The following POLR1E variants were observed in gnomAD, a reference collection of about 807,000 sequenced individuals.
POLR1E encodes the protein RNA polymerase I subunit E.
In POLR1E, 37 loss-of-function variants were observed where a neutral mutation model predicts 50.9. The ratio of observed to expected loss-of-function variants is 0.73; its 90% CI spans 0.56 to 0.96. The LOEUF is 0.96. Among genes scored for constraint, POLR1E ranks in the 40% least tolerant of loss-of-function variants. POLR1E has a pLI of 0.00. For missense variants in POLR1E, 426 were observed against 518.1 expected (o/e 0.82, Z 1.73); for synonymous variants, 166 against 191.6 (o/e 0.87, Z 1.10).
Position 37,501,754 on chromosome 9 carries a change from C to T in POLR1E, c.1010C>T (p.Thr337Ile). 6.2e-7 allele frequency: 1 copy of T among 1,613,984 alleles called. No homozygotes were observed. Among genetic ancestry groups the T allele is most frequent in the East Asian group, 2.2e-5 (1 of 44,888 alleles). Residue 337 changes from threonine to isoleucine, a missense_variant, in exon 11 of 12, where the codon ACT (threonine) becomes ATT (isoleucine). Coordinates refer to ENST00000377798, the MANE Select transcript of POLR1E (RefSeq NM_022490.4). ...TCGGATTCTATGAAGGCGAAGATTACTGCATATGTGATCATACTTGCCTTG... is the reference window on the plus strand; with the variant it reads ...TCGGATTCTATGAAGGCGAAGATTATTGCATATGTGATCATACTTGCCTTG... Reference protein sequence around the residue: ...LISDSMKAKITAYVIILALHI... With the variant: ...LISDSMKAKIIAYVIILALHI...
Position 37,503,162 on chromosome 9 carries a change from A to C in POLR1E, c.1220A>C (p.Gln407Pro), listed in dbSNP as rs1820923685. 6.2e-7 allele frequency: 1 copy of C among 1,612,326 alleles called. No individual in the cohort carries two copies. The highest frequency in any genetic ancestry group is 1.3e-5 in the African/African-American group (1 of 74,822). The change falls in exon 12 of 12, where the codon CAG (glutamine) becomes CCG (proline). Residue 407 changes from glutamine to proline, a missense_variant. By Grantham distance (76) the Gln-to-Pro change is moderately conservative (BLOSUM62 -1). Coordinates refer to ENST00000377798, the MANE Select transcript of POLR1E (RefSeq NM_022490.4). ...GTLSLPLPPAQTSDRLAKRRK... is the reference protein window; with the variant it reads ...GTLSLPLPPAPTSDRLAKRRK... ...CTGTCCCTCCCGCTGCCTCCAGCCC[A>C]GACCTCAGACCGCCTGGCAAAGCGG... is the stretch of plus-strand genomic sequence containing the variant.
chr9:37,492,567 T>A (rs1047994498), intron 4 of POLR1E, 90 bp from the exon 5 acceptor site: 2 of 1,227,084 alleles, frequency 1.6e-6, no homozygotes, highest in Admixed American at 4.0e-5. Context: ...TCTATTATTC[T>A]TAGATAGACA....
intron 1 of POLR1E, chr9:37,486,420 G>T (rs1198994467): frequency 2.0e-6 from 3 of 1,532,532 alleles, no homozygotes; most frequent in Non-Finnish European, 2.6e-6. Flanking sequence ...CTGGGCAGGG[G>T]TTCCTTCTGT....
intron 9 of POLR1E, 62 bp from the exon 10 acceptor site, chr9:37,500,778 A>G: frequency 1.5e-6 from 2 of 1,373,342 alleles, no homozygotes; most frequent in East Asian, 2.3e-5. Context: ...CTCTTAGCTC[A>G]TGGTTGAGGT....
rs565900075 is a variant in POLR1E at position 37,486,638 on chromosome 9, G to C, written c.77-65G>C. ...CTCCCAGTGACAGTCTAGTCCCACC[G>C]TACATTGTGTGGTACATTGTGTGGC... On this transcript the variant is annotated intron_variant, in intron 1 of 11. Transcript: ENST00000377798. The C allele has an allele frequency of 2.7e-5, 43 of 1,605,632 alleles. No individual in the cohort carries two copies. The African/African-American group carries it at 5.5e-4, about 20-fold the overall frequency.
chr9:37,489,198 A>C (rs1588798962), intron 3 of POLR1E, 117 bp from the exon 4 acceptor site: 2 of 678,598 alleles, frequency 2.9e-6, no homozygotes, highest in Non-Finnish European at 4.7e-6. Flanking sequence ...AGATCATGCC[A>C]CTCCACTCCA....
At chr9:37,496,964 G>A (rs778218355) in intron 8 of POLR1E, among the ~76,000 whole-genome samples, 41 of 152,084 alleles carry the variant, frequency 2.7e-4, no homozygotes, top group Non-Finnish European at 3.4e-4. Flanking sequence ...AGCTTTACTG[G>A]CATCATCTCT....
chr9:37,486,663 C>G (rs370500509), intron 1 of POLR1E, 40 bp from the exon 2 acceptor site: 46 of 1,614,092 alleles, frequency 2.8e-5, no homozygotes, highest in Non-Finnish European at 5.1e-6. Context: ...CATTGTGTGG[C>G]CTTCTGCTCT....
chr9:37,487,326 G>A (rs764923812), intron 2 of POLR1E, among the ~76,000 whole-genome samples: 32 of 152,200 alleles, frequency 2.1e-4, no homozygotes, highest in Non-Finnish European at 4.6e-4. Context: ...GGGAGGAGAG[G>A]TCTCTGCCAG....
At chr9:37,501,915 A>C in intron 11 of POLR1E, 71 bp downstream of exon 11, 1 of 1,495,826 alleles carries the variant, frequency 6.7e-7, no homozygotes, top group South Asian at 1.3e-5. Flanking sequence ...ACTGGAAAGC[A>C]TGAGGCACCA....
intron 4 of POLR1E, 84 bp downstream of exon 4, chr9:37,489,484 AACAC>A: frequency 2.3e-6 from 2 of 878,378 alleles, no homozygotes; most frequent in Non-Finnish European, 3.5e-6. Flanking sequence ...AGATTTATAA[AACAC>A]ATTTTATAGT....
At chr9:37,494,613 GT>G (rs1175202045) in intron 6 of POLR1E, among the ~76,000 whole-genome samples, 1 of 151,862 alleles carries the variant, frequency 6.6e-6, no homozygotes, top group African/African-American at 2.4e-5. Flanking sequence ...AATTTTTTTA[GT>G]TTTTTGGAGA....
chr9:37,486,741 A>G lies in POLR1E; in HGVS notation c.115A>G (p.Met39Val), dbSNP rs1273559037. Reference protein sequence around the residue: ...SNGKLQSPGNMRFTLYENKDS... With the variant: ...SNGKLQSPGNVRFTLYENKDS... ...CGGGAAGCTACAGAGTCCAGGCAAC[A>G]TGCGCTTTACCTTGTATGAGAACAA... Residue 39 changes from methionine to valine, a missense_variant, in exon 2 of 12, where the codon ATG (methionine) becomes GTG (valine). Coordinates refer to ENST00000377798, the MANE Select transcript of POLR1E (RefSeq NM_022490.4). The G allele has an allele frequency of 6.2e-7, 1 of 1,614,220 alleles. No individual in the cohort carries two copies. Among genetic ancestry groups the G allele is most frequent in the South Asian group, 1.1e-5 (1 of 91,086 alleles).
rs544211446 is a variant in POLR1E at position 37,500,730 on chromosome 9, G to A, written c.887-110G>A. The A allele has an allele frequency of 1.6e-4, 120 of 756,080 alleles. No individual in the cohort carries two copies. The highest frequency in any genetic ancestry group is 2.5e-4 in the Non-Finnish European group (111 of 440,882). The allele number at this position is 756,080 out of a possible 1,614,324, so 46.8% of individuals were successfully genotyped here. On this transcript the variant is annotated intron_variant, in intron 9 of 11. Coordinates refer to ENST00000377798, the MANE Select transcript of POLR1E (RefSeq NM_022490.4). ...GTGGGCCCTGCTTCTCTTACCACCT[G>A]GTTCTGGTCATTGCAGTGGCCCAGC...
chr9:37,493,712 T>G lies in POLR1E; in HGVS notation c.547+9T>G, dbSNP rs1349921348. ...TACGAAGGGTGTGACTGGTAAGAAG[T>G]TGGAACTTGGGCTAAGAGTCTGCCC... is the stretch of plus-strand genomic sequence containing the variant. On this transcript the variant is annotated intron_variant, in intron 6 of 11. Coordinates refer to ENST00000377798, the MANE Select transcript of POLR1E (RefSeq NM_022490.4). 6.6e-7 allele frequency: 1 copy of G among 1,517,702 alleles called. No individual in the cohort carries two copies. The allele number at this position is 1,517,702 out of a possible 1,614,324, so 94.0% of individuals were successfully genotyped here. A position where few individuals can be genotyped will look rare whatever the true frequency, so the allele number is the denominator to read the frequency against.
chr9:37,494,961 C>T (rs1820758604), intron 6 of POLR1E, among the ~76,000 whole-genome samples: 1 of 152,234 alleles, frequency 6.6e-6, no homozygotes, highest in African/African-American at 2.4e-5. Flanking sequence ...TCACCTCCAC[C>T]TTCTCCAGTG....
intron 2 of POLR1E, 54 bp from the exon 3 acceptor site, chr9:37,487,809 C>T: frequency 6.6e-7 from 1 of 1,522,064 alleles, no homozygotes; most frequent in South Asian, 1.1e-5. Flanking sequence ...AGAAATGATG[C>T]TTAATACCTT....
At chr9:37,490,704 C>T (rs910949063) in intron 4 of POLR1E, 29 of 687,706 alleles carry the variant, frequency 4.2e-5, no homozygotes, top group South Asian at 1.5e-4. Context: ...AAACTGTAGA[C>T]GCTTCCAGTT....
intron 11 of POLR1E, 120 bp downstream of exon 11, chr9:37,501,964 G>A: frequency 9.8e-7 from 1 of 1,024,734 alleles, no homozygotes; most frequent in Admixed American, 3.1e-5. Context: ...GGAACAACTT[G>A]GAACTAAAGG....
Sources: gnomAD v4.1 joint callset for allele counts (sites outside exome capture counted in the v4.1 genomes callset) on GRCh38, gnomAD v4.1.1 for gene constraint, MANE v1.5 for transcripts, NCBI Gene and HGNC (gene_info 2026-07-23, HGNC 2026-07-21) for gene names.